The following MAMDC2 variants were observed in gnomAD, a reference collection of about 807,000 sequenced individuals.
MAMDC2 encodes the protein MAM domain-containing protein 2.
MAMDC2 carries 57 observed loss-of-function variants against 89.8 expected under a neutral mutation model. That is an observed-to-expected ratio of 0.63 (90% CI 0.51 to 0.79). The LOEUF is 0.79. Ranked by LOEUF, MAMDC2 falls within the 30% of genes least tolerant of loss-of-function variation. MAMDC2 has a pLI of 0.00. For missense variants in MAMDC2, 800 were observed against 820.6 expected (o/e 0.97, Z 0.31); for synonymous variants, 313 against 293.4 (o/e 1.07, Z -0.68).
intron 12 of MAMDC2, among the ~76,000 whole-genome samples, chr9:70,221,990 G>A (rs1349166100): frequency 6.6e-6 from 1 of 152,128 alleles, no homozygotes; most frequent in Admixed American, 6.5e-5. Flanking sequence ...TCCAGCTACT[G>A]CGTGTAAAGT....
At chr9:70,161,951 T>C (rs912969822) in intron 9 of MAMDC2, among the ~76,000 whole-genome samples, 30 of 152,218 alleles carry the variant, frequency 2.0e-4, no homozygotes, top group Admixed American at 3.3e-4. Context: ...GTCTGGGAAA[T>C]TGTTGAGGTC....
Position 70,126,366 on chromosome 9 carries a change from CTGCCTGGAACCT to C in MAMDC2, c.855_866del (p.Trp286_Ala289del). On this transcript the variant is annotated inframe_deletion, in exon 6 of 14. Transcript: ENST00000377182. Reference sequence around the variant, plus strand: ...TGGAAAGCAGACAGGCCAGGGAATGCTGCCTGGAACCTTGCGGAGGTCGAGTTCAGTGCTCCT... The same window carrying C: ...TGGAAAGCAGACAGGCCAGGGAATGCTGCGGAGGTCGAGTTCAGTGCTCCT... 1 of 1,614,058 alleles carries C rather than the reference CTGCCTGGAACCT, an allele frequency of 6.2e-7. No individual in the cohort carries two copies. The highest frequency in any genetic ancestry group is 8.5e-7 in the Non-Finnish European group (1 of 1,179,972).
Position 70,108,199 on chromosome 9 carries a change from T to G in MAMDC2, c.149-12T>G, listed in dbSNP as rs1417820123. On this transcript the variant is annotated splice_polypyrimidine_tract_variant and intron_variant, in intron 2 of 13. Coordinates refer to ENST00000377182, the MANE Select transcript of MAMDC2 (RefSeq NM_153267.5). ...AAATTGATCCTTTTCCTATGTTCCT[T>G]TCTCTTTCCAGGCCATTACATTTAT... 3 of 1,547,520 alleles carry G rather than the reference T, an allele frequency of 1.9e-6. No individual in the cohort carries two copies. The highest frequency in any genetic ancestry group is 2.6e-6 in the Non-Finnish European group (3 of 1,149,512).
chr9:70,123,810 A>G (rs1461088290), intron 5 of MAMDC2, among the ~76,000 whole-genome samples: 1 of 152,190 alleles, frequency 6.6e-6, no homozygotes, highest in African/African-American at 2.4e-5. Context: ...GGAATGCCAA[A>G]GATTGCCAGC....
chr9:70,115,909 A>G (rs1305198349), intron 5 of MAMDC2, among the ~76,000 whole-genome samples: 1 of 152,224 alleles, frequency 6.6e-6, no homozygotes, highest in African/African-American at 2.4e-5. Flanking sequence ...TTGGGGTTTC[A>G]GGAAAGAAAA....
chr9:70,195,175 T>C (rs1034537728), intron 11 of MAMDC2, among the ~76,000 whole-genome samples: 1 of 152,114 alleles, frequency 6.6e-6, no homozygotes. Flanking sequence ...AAAACTTTTG[T>C]ATGACTAAAG....
At chr9:70,215,524 C>T (rs953204071) in intron 11 of MAMDC2, among the ~76,000 whole-genome samples, 2 of 152,144 alleles carry the variant, frequency 1.3e-5, no homozygotes, top group Non-Finnish European at 2.9e-5. Context: ...TTATTTAAAC[C>T]AATTAGCTTT....
chr9:70,065,612 C>CT (rs1827246998), intron 2 of MAMDC2, among the ~76,000 whole-genome samples: 1 of 148,522 alleles, frequency 6.7e-6, no homozygotes, highest in Non-Finnish European at 1.5e-5. Flanking sequence ...ATGGAGGCCC[C>CT]TGAAAGTTAG....
chr9:70,111,966 G>A (rs186245068), intron 4 of MAMDC2, among the ~76,000 whole-genome samples: 2 of 152,184 alleles, frequency 1.3e-5, no homozygotes, highest in South Asian at 4.1e-4. Flanking sequence ...TGCTTGACAA[G>A]ACTTGCCAAC....
intron 2 of MAMDC2, among the ~76,000 whole-genome samples, chr9:70,076,281 T>A (rs565595575): frequency 6.6e-6 from 1 of 152,036 alleles, no homozygotes; most frequent in South Asian, 2.1e-4. Flanking sequence ...TTTAGCCGAG[T>A]GTGGTGGCAG....
chr9:70,166,547 T>C (rs10868646), intron 9 of MAMDC2, among the ~76,000 whole-genome samples: 109,239 of 151,904 alleles, frequency 0.72, 40,122 homozygotes, highest in Middle Eastern at 0.82. Context: ...TTCTGTACTA[T>C]GAAATAATAT....
At chr9:70,221,319 G>T (rs2033550280) in intron 12 of MAMDC2, among the ~76,000 whole-genome samples, 1 of 127,934 alleles carries the variant, frequency 7.8e-6, no homozygotes, top group Non-Finnish European at 1.6e-5. Flanking sequence ...AACATATTGA[G>T]ACCCTGTCTC....
At chr9:70,210,234 G>T (rs571975592) in intron 11 of MAMDC2, among the ~76,000 whole-genome samples, 2 of 152,226 alleles carry the variant, frequency 1.3e-5, no homozygotes, top group Admixed American at 6.5e-5. Flanking sequence ...TGACAGTGGG[G>T]TGTTAAAGTC....
chr9:70,174,078 ATAAT>A (rs1244596108), intron 11 of MAMDC2, among the ~76,000 whole-genome samples: 1 of 152,260 alleles, frequency 6.6e-6, no homozygotes, highest in Non-Finnish European at 1.5e-5. Context: ...TGTATTAAGA[ATAAT>A]TAATACCTAC....
At position 70,056,609 on chromosome 9, in the gene MAMDC2, C is replaced by T. The variant is rs78885767; in HGVS notation, c.148+11912C>T. Among the ~76,000 whole-genome samples, 719 of 152,170 alleles carry T rather than the reference C, an allele frequency of 4.7e-3. 22 individuals carry two copies. The highest frequency in any genetic ancestry group is 0.035 in the Admixed American group (530 of 15,288). ...TCTGAAGATGCATTGTATTGGCACG[C>T]GGCGTGATTCATTTTCTCTTGGGCT... On this transcript the variant is annotated intron_variant, in intron 2 of 13. Coordinates refer to ENST00000377182, the MANE Select transcript of MAMDC2 (RefSeq NM_153267.5).
At chr9:70,111,860 G>A (rs1243847417) in intron 4 of MAMDC2, among the ~76,000 whole-genome samples, 2 of 152,218 alleles carry the variant, frequency 1.3e-5, no homozygotes, top group African/African-American at 2.4e-5. Context: ...TAGTAACAGT[G>A]ATGATTCAGG....
At chr9:70,085,091 G>T (rs546856731) in intron 2 of MAMDC2, among the ~76,000 whole-genome samples, 3 of 152,076 alleles carry the variant, frequency 2.0e-5, no homozygotes, top group African/African-American at 7.2e-5. Flanking sequence ...AGACATTAAA[G>T]CTGCACTACA....
chr9:70,170,630 A>G lies in MAMDC2; in HGVS notation c.1650A>G (p.Val550=), dbSNP rs2032312222. The change falls in exon 11 of 14, where the codon GTA becomes GTG. Residue 550 remains valine, a splice_region_variant and synonymous_variant. Transcript: ENST00000377182. ...TGPKGDHTTG[V]GYYMYIEASH... is the part of the protein sequence containing the mutation. ...CAAAGGGAGATCACACTACTGGGGT[A>G]GGTGAGTTATGCCACGTGGTGCTGT... 1.9e-6 allele frequency: 3 copies of G among 1,591,694 alleles called. No individual in the cohort carries two copies. The highest frequency in any genetic ancestry group is 2.6e-6 in the Non-Finnish European group (3 of 1,171,712).
At chr9:70,099,789 A>T (rs1181305199) in intron 2 of MAMDC2, among the ~76,000 whole-genome samples, 3 of 152,132 alleles carry the variant, frequency 2.0e-5, no homozygotes, top group Non-Finnish European at 4.4e-5. Context: ...AGCCTGGCCA[A>T]CATGGTGAAA....
Sources: allele counts gnomAD v4.1 joint callset (sites outside exome capture counted in the v4.1 genomes callset), GRCh38; gene constraint gnomAD v4.1.1; transcripts MANE v1.5; gene names NCBI Gene and HGNC (gene_info 2026-07-23, HGNC 2026-07-21).